The following MID1 variants were observed in gnomAD, a reference collection of about 807,000 sequenced individuals.
The protein encoded by MID1 is E3 ubiquitin-protein ligase Midline-1.
Under a neutral mutation model 40.4 loss-of-function variants are expected in MID1, and 7 were observed. That is an observed-to-expected ratio of 0.17 (90% CI 0.10 to 0.33). The LOEUF is 0.33. Among genes scored for constraint, MID1 ranks in the 10% least tolerant of loss-of-function variants. The pLI is 1.00. For synonymous variants in MID1, 229 were observed against 221.2 expected (o/e 1.04, Z -0.31); for missense variants, 367 against 558.5 (o/e 0.66, Z 3.46).
intron 2 of MID1, among the ~76,000 whole-genome samples, chrX:10,532,090 G>A (rs1216246354): frequency 2.7e-5 from 3 of 112,232 alleles, no homozygotes; most frequent in African/African-American, 9.7e-5. Flanking sequence ...GAAGAGCTGT[G>A]GATGGTCCAA....
At chrX:10,578,438 A>G (rs1378155348) in intron 1 of MID1, among the ~76,000 whole-genome samples, 1 of 112,206 alleles carries the variant, frequency 8.9e-6, no homozygotes, top group Non-Finnish European at 1.9e-5. Context: ...CAGGAAAGAA[A>G]TATTTACTCC....
chrX:10,547,583 A>G (rs1343564177), intron 2 of MID1, among the ~76,000 whole-genome samples: 1 of 96,049 alleles, frequency 1.0e-5, no homozygotes, highest in Non-Finnish European at 2.0e-5. Flanking sequence ...AAAAAAAAAA[A>G]AAAAAAAAAA....
chrX:10,532,706 A>G (rs1933017236), intron 2 of MID1, among the ~76,000 whole-genome samples: 1 of 111,487 alleles, frequency 9.0e-6, no homozygotes, highest in Non-Finnish European at 1.9e-5. Context: ...TTGGCAAACT[A>G]TGGTTGGTCC....
intron 1 of MID1, among the ~76,000 whole-genome samples, chrX:10,787,942 A>T (rs1843757041): frequency 9.0e-6 from 1 of 111,229 alleles, no homozygotes. Flanking sequence ...CTTTACATTC[A>T]TTATCACAGT....
chrX:10,513,070 T>G (rs1932236291), intron 3 of MID1, among the ~76,000 whole-genome samples: 1 of 112,518 alleles, frequency 8.9e-6, no homozygotes, highest in Non-Finnish European at 1.9e-5. Context: ...CTGTGGAATT[T>G]CAAAATTAGA....
intron 3 of MID1, among the ~76,000 whole-genome samples, chrX:10,521,402 G>A (rs1315635421): frequency 7.2e-5 from 8 of 111,334 alleles, no homozygotes; most frequent in Admixed American, 5.7e-4. Flanking sequence ...CCAGAGAAAC[G>A]TTCACAACTG....
At chrX:10,714,210 T>A (rs1488622639) in intron 1 of MID1, among the ~76,000 whole-genome samples, 3 of 112,531 alleles carry the variant, frequency 2.7e-5, no homozygotes, top group Non-Finnish European at 5.6e-5. Context: ...AAAACAAAAA[T>A]ACAATTGAAA....
Position 10,454,998 on chromosome X carries a change from A to C in MID1, c.1527T>G (p.Asp509Glu). 1.7e-6 allele frequency: 2 copies of C among 1,210,472 alleles called. No homozygotes were observed. The highest frequency in any genetic ancestry group is 2.2e-6 in the Non-Finnish European group (2 of 894,281). The change falls in exon 9 of 10, where the codon GAT (aspartate) becomes GAG (glutamate). Residue 509 changes from aspartate (D) to glutamate (E), a missense_variant. Coordinates refer to ENST00000317552, the MANE Select transcript of MID1 (RefSeq NM_000381.4). ...VSHDNLTVER[D>E]ESSSKKSHTP... Reference sequence around the variant, plus strand: ...TGTGACTCTTCTTGGATGATGACTCATCACGTTCTACTGTCAAGTTATCAT... The same window carrying C: ...TGTGACTCTTCTTGGATGATGACTCCTCACGTTCTACTGTCAAGTTATCAT...
At chrX:10,547,233 C>G (rs1457735452) in intron 2 of MID1, among the ~76,000 whole-genome samples, 1 of 110,936 alleles carries the variant, frequency 9.0e-6, no homozygotes, top group Non-Finnish European at 1.9e-5. Context: ...CATGATTGCA[C>G]TACTGCACTC....
chrX:10,751,434 G>A (rs1375008112), intron 1 of MID1, among the ~76,000 whole-genome samples: 1 of 110,748 alleles, frequency 9.0e-6, no homozygotes, highest in Non-Finnish European at 1.9e-5. Flanking sequence ...GCACACAGGA[G>A]TTCAAGACCA....
intron 1 of MID1, among the ~76,000 whole-genome samples, chrX:10,688,647 T>C (rs2043114265): frequency 9.0e-6 from 1 of 111,321 alleles, no homozygotes; most frequent in Admixed American, 9.6e-5. Flanking sequence ...TGAGGTGAGA[T>C]TCAATTTTTT....
chrX:10,656,242 G>C (rs932253051), intron 1 of MID1, among the ~76,000 whole-genome samples: 2 of 111,694 alleles, frequency 1.8e-5, no homozygotes, highest in African/African-American at 6.5e-5. Context: ...TGAATTCCAA[G>C]CTTCTCCTTC....
intron 1 of MID1, among the ~76,000 whole-genome samples, chrX:10,609,195 G>T (rs1935683267): frequency 9.0e-6 from 1 of 111,007 alleles, no homozygotes; most frequent in African/African-American, 3.3e-5. Context: ...CTAAAGAGAT[G>T]CTTTTGAATC....
Position 10,730,650 on chromosome X carries a change from C to A in MID1, c.-187+102904G>T, listed in dbSNP as rs191284369. On this transcript the variant is annotated intron_variant, in intron 1 of 10. Coordinates refer to the MID1 transcript ENST00000380785. ...GCAGTGGCACGATCTCGGCTCACTG[C>A]AAGCTCCGCCTCCCGTGTTCACGCC... Among the ~76,000 whole-genome samples the A allele has an allele frequency of 5.1e-3, 540 of 105,287 alleles. 9 individuals carry two copies. Among genetic ancestry groups the A allele is most frequent in the African/African-American group, 0.018 (504 of 28,286 alleles). 91.4% of individuals were successfully genotyped at this position (105,287 alleles called of 115,157 possible).
intron 1 of MID1, among the ~76,000 whole-genome samples, chrX:10,768,097 G>A (rs1158790231): frequency 9.0e-6 from 1 of 111,553 alleles, no homozygotes; most frequent in Non-Finnish European, 1.9e-5. Context: ...AATTTAAATT[G>A]TTCAGTTCAA....
At chrX:10,752,410 G>C (rs2043605954) in intron 1 of MID1, among the ~76,000 whole-genome samples, 1 of 112,135 alleles carries the variant, frequency 8.9e-6, no homozygotes, top group African/African-American at 3.2e-5. Context: ...TGACACCTTA[G>C]GCAGGTTACC....
intron 1 of MID1, among the ~76,000 whole-genome samples, chrX:10,692,870 C>T (rs2043139815): frequency 9.0e-6 from 1 of 111,170 alleles, no homozygotes; most frequent in South Asian, 3.9e-4. Flanking sequence ...TGGTTTTTCC[C>T]AGAGCTTCAT....
intron 2 of MID1, among the ~76,000 whole-genome samples, chrX:10,534,696 CAT>C (rs927341610): frequency 1.8e-5 from 2 of 111,793 alleles, no homozygotes; most frequent in East Asian, 2.8e-4. Context: ...CATATCCCCA[CAT>C]GTGTGGTACA....
At chrX:10,583,197 G>A in intron 1 of MID1, among the ~76,000 whole-genome samples, 1 of 111,295 alleles carries the variant, frequency 9.0e-6, no homozygotes, top group East Asian at 2.8e-4. Flanking sequence ...CCCTTGGAGA[G>A]CTTACATTTT....
Sources: allele counts gnomAD v4.1 joint callset (sites outside exome capture counted in the v4.1 genomes callset), GRCh38; gene constraint gnomAD v4.1.1; transcripts MANE v1.5; gene names NCBI Gene and HGNC (gene_info 2026-07-23, HGNC 2026-07-21).